DNER: variants seen among roughly 807,000 people sequenced by gnomAD.
DNER encodes delta/notch like EGF repeat containing, also known as delta and Notch-like epidermal growth factor-related receptor.
DNER carries 33 observed loss-of-function variants against 78.2 expected under a neutral mutation model. The ratio of observed to expected loss-of-function variants is 0.42; its 90% CI spans 0.32 to 0.56. The LOEUF (loss-of-function observed/expected upper bound fraction) is 0.56. DNER is among the 20% of genes least tolerant of loss of function. DNER has a pLI of 0.11. For synonymous variants in DNER, 417 were observed against 384.8 expected, an observed-to-expected ratio of 1.08 and a Z score of -0.98; for missense variants, 918 against 975.3, an observed-to-expected ratio of 0.94 and a Z score of 0.78.
chr2:229,363,583 C>G (rs1002013740), intron 12 of DNER, among the ~76,000 whole-genome samples: 12 of 152,188 alleles, frequency 7.9e-5, no homozygotes, highest in African/African-American at 2.9e-4. Flanking sequence ...ATAGTTTTAT[C>G]TGCAGTCACT....
chr2:229,478,456 C>A (rs1695083647), intron 6 of DNER, among the ~76,000 whole-genome samples: 1 of 152,186 alleles, frequency 6.6e-6, no homozygotes, highest in South Asian at 2.1e-4. Context: ...ATCCTACTCA[C>A]AGGCATTCAA....
rs1692944934 is a variant in DNER, at chr2:229,388,371, A to T, written c.1749T>A (p.Asn583Lys). 6.2e-7 allele frequency: 1 copy of T among 1,611,396 alleles called. No homozygotes were observed. Among genetic ancestry groups the T allele is most frequent in the Non-Finnish European group, 8.5e-7 (1 of 1,178,846 alleles). The change falls in exon 11 of 13, where the codon AAT becomes AAA. Residue 583 changes from asparagine (N) to lysine (K), a missense_variant. By Grantham distance (94) the Asn-to-Lys change is moderately conservative. Transcript: ENST00000341772. ...FTGEECDIDI[N>K]ECDSNPCHHG... ...GGTGGCAGGGGTTACTGTCACATTC[A>T]TTTATGTCAATGTCGCACTCTTCAC...
At chr2:229,390,833 C>A (rs947048071) in intron 10 of DNER, among the ~76,000 whole-genome samples, 2 of 152,216 alleles carry the variant, frequency 1.3e-5, no homozygotes, top group African/African-American at 4.8e-5. Flanking sequence ...TCTCAGATAC[C>A]TTTAGGTTTA....
intron 4 of DNER, among the ~76,000 whole-genome samples, chr2:229,555,548 T>G (rs767568321): frequency 6.6e-6 from 1 of 152,218 alleles, no homozygotes; most frequent in Non-Finnish European, 1.5e-5. Context: ...TAAAACATCA[T>G]GTACCTCTTC....
In DNER at chr2:229,447,466, AG is replaced by A; in HGVS notation, c.1335del (p.Tyr446MetfsTer70). The A allele has an allele frequency of 6.2e-7, 1 of 1,614,208 alleles. No individual in the cohort carries two copies. The highest frequency in any genetic ancestry group is 1.1e-5 in the South Asian group (1 of 91,074). ...CAGGTAAAGTGTACCCCGTCCACAT[AG>A]CAGGTGCCGTTGTTCTGGCACGGAG... Reference protein sequence around the residue: ...ASSPCQNNGTCYVDGVHFTCN... With the variant: ...ASSPCQNNGTXYVDGVHFTCN... On this transcript the variant is annotated frameshift_variant, in exon 8 of 13. Transcript: ENST00000341772. LOFTEE classifies it high-confidence loss of function.
intron 6 of DNER, among the ~76,000 whole-genome samples, chr2:229,487,562 T>G (rs1326759742): frequency 6.6e-6 from 1 of 152,234 alleles, no homozygotes; most frequent in Non-Finnish European, 1.5e-5. Flanking sequence ...TTAGATTAAT[T>G]AAGGTGTTAC....
chr2:229,664,423 G>A (rs1004016384), intron 1 of DNER, among the ~76,000 whole-genome samples: 6 of 152,112 alleles, frequency 3.9e-5, no homozygotes, highest in Non-Finnish European at 8.8e-5. Context: ...TTGGAGGATT[G>A]CTTGAGCTGA....
intron 7 of DNER, among the ~76,000 whole-genome samples, chr2:229,475,496 A>G (rs1241437764): frequency 1.3e-5 from 2 of 152,204 alleles, no homozygotes; most frequent in African/African-American, 4.8e-5. Context: ...TGCATCTTCA[A>G]AGCACCTATT....
chr2:229,506,312 G>C (rs191581080), intron 6 of DNER, among the ~76,000 whole-genome samples: 13 of 152,124 alleles, frequency 8.5e-5, no homozygotes, highest in Non-Finnish European at 1.5e-4. Flanking sequence ...ATCAAATCTT[G>C]TAATGAATTA....
At chr2:229,447,198 A>G in intron 8 of DNER, 118 bp downstream of exon 8, 1 of 1,001,594 alleles carries the variant, frequency 1.0e-6, no homozygotes, top group South Asian at 1.7e-5. Flanking sequence ...CAAGCATACC[A>G]GTAAGTATAC....
At chr2:229,507,112 C>T (rs1695760758) in intron 6 of DNER, among the ~76,000 whole-genome samples, 1 of 152,116 alleles carries the variant, frequency 6.6e-6, no homozygotes, top group Non-Finnish European at 1.5e-5. Flanking sequence ...CTAAACATAA[C>T]TAAACATAGA....
chr2:229,551,183 C>T (rs763413000), intron 4 of DNER, among the ~76,000 whole-genome samples: 6 of 152,188 alleles, frequency 3.9e-5, no homozygotes, highest in Admixed American at 3.3e-4. Context: ...TAAGACTTCT[C>T]TCATGGCCTC....
chr2:229,415,348 A>C (rs1422226753), intron 9 of DNER, among the ~76,000 whole-genome samples: 2 of 152,210 alleles, frequency 1.3e-5, no homozygotes, highest in Non-Finnish European at 2.9e-5. Flanking sequence ...ATGAGAGCTC[A>C]GTCAGTCAAT....
At chr2:229,492,975 C>A (rs80014430) in intron 6 of DNER, among the ~76,000 whole-genome samples, 1 of 152,056 alleles carries the variant, frequency 6.6e-6, no homozygotes, top group Non-Finnish European at 1.5e-5. Flanking sequence ...CCAGCCTAAC[C>A]TACTTTTTAA....
At chr2:229,406,836 A>C (rs1288335274) in intron 10 of DNER, among the ~76,000 whole-genome samples, 1 of 152,104 alleles carries the variant, frequency 6.6e-6, no homozygotes, top group Non-Finnish European at 1.5e-5. Flanking sequence ...TATATCTTGC[A>C]ATAAAAATAA....
chr2:229,622,900 T>C (rs1698273693), intron 1 of DNER, among the ~76,000 whole-genome samples: 1 of 152,168 alleles, frequency 6.6e-6, no homozygotes, highest in Non-Finnish European at 1.5e-5. Context: ...TTCAGACTCC[T>C]GGCCTCCAAA....
intron 4 of DNER, among the ~76,000 whole-genome samples, chr2:229,584,410 T>G (rs762709318): frequency 1.3e-5 from 2 of 152,172 alleles, no homozygotes; most frequent in Non-Finnish European, 2.9e-5. Context: ...GGCCTTTGAA[T>G]TGAGCTGCAA....
rs553583055 is a variant in DNER, at chr2:229,573,067, G to C, written c.847+12791C>G. Among the ~76,000 whole-genome samples, 6 of 152,276 alleles carry C rather than the reference G, an allele frequency of 3.9e-5. No individual in the cohort carries two copies. In the East Asian group the frequency reaches 1.2e-3, roughly 29 times the overall value. On this transcript the variant is annotated intron_variant, in intron 4 of 12. Coordinates refer to ENST00000341772, the MANE Select transcript of DNER (RefSeq NM_139072.4). ...GGATGCAGATAAATGAGCAGATGAC[G>C]TGATCCCTGTTTTTTATCATGGAAT... is the stretch of plus-strand genomic sequence containing the variant.
rs78060918 is a variant in DNER at position 229,357,833 on chromosome 2, C to T, written c.*707G>A. On this transcript the variant is annotated 3_prime_UTR_variant, in exon 13 of 13. Transcript: ENST00000341772. Reference sequence around the variant, plus strand: ...AACTCAAATGTAAATTTAATTTACTCACAATATAGAACCCTTGACTTTTTA... The same window carrying T: ...AACTCAAATGTAAATTTAATTTACTTACAATATAGAACCCTTGACTTTTTA... The T allele has an allele frequency of 0.037, 5,609 of 152,428 alleles. 152 individuals are homozygous for T. The highest frequency in any genetic ancestry group is 0.058 in the Non-Finnish European group (3,939 of 68,012). The allele number at this position is 152,428 out of a possible 1,614,324, so 9.4% of individuals were successfully genotyped here. A position where few individuals can be genotyped will look rare whatever the true frequency, so the allele number is the denominator to read the frequency against.
Sources: gnomAD v4.1 joint callset for allele counts (sites outside exome capture counted in the v4.1 genomes callset) on GRCh38, gnomAD v4.1.1 for gene constraint, MANE v1.5 for transcripts, NCBI Gene and HGNC (gene_info 2026-07-23, HGNC 2026-07-21) for gene names.